SLC25A20: variants seen among roughly 807,000 people sequenced by gnomAD.
The protein encoded by SLC25A20 is mitochondrial carnitine/acylcarnitine carrier protein.
SLC25A20 carries 29 observed loss-of-function variants against 39.7 expected under a neutral mutation model. The observed-to-expected ratio is 0.73, with a 90% CI of 0.54 to 1.00. The LOEUF is 1.00. Ranked by LOEUF, SLC25A20 falls within the 50% of genes least tolerant of loss-of-function variation. The pLI is 0.00. For missense variants in SLC25A20, 333 were observed against 379.9 expected (o/e 0.88, Z 1.03); for synonymous variants, 103 against 142.2 (o/e 0.72, Z 1.96).
chr3:48,870,137 C>T (rs1260890489), intron 4 of SLC25A20, among the ~76,000 whole-genome samples: 1 of 152,118 alleles, frequency 6.6e-6, no homozygotes, highest in East Asian at 1.9e-4. Flanking sequence ...TGGTGGCTCT[C>T]GCCTATAATC....
At chr3:48,894,516 A>C (rs948223201) in intron 1 of SLC25A20, among the ~76,000 whole-genome samples, 1 of 147,880 alleles carries the variant, frequency 6.8e-6, no homozygotes, top group Non-Finnish European at 1.5e-5. Context: ...CAGGTGATCC[A>C]CCCGCCTCGG....
chr3:48,860,599 A>G (rs2106637894), intron 5 of SLC25A20, among the ~76,000 whole-genome samples: 1 of 151,218 alleles, frequency 6.6e-6, no homozygotes, highest in Admixed American at 6.6e-5. Flanking sequence ...GCAAGACTCC[A>G]TCTCAAAAAA....
At chr3:48,897,014 G>A (rs1397671547) in intron 1 of SLC25A20, among the ~76,000 whole-genome samples, 4 of 150,324 alleles carry the variant, frequency 2.7e-5, no homozygotes, top group Admixed American at 6.7e-5. Context: ...CTTTTGCCTT[G>A]TCAGGACACA....
chr3:48,893,246 CT>C (rs899184488), intron 1 of SLC25A20, among the ~76,000 whole-genome samples: 50 of 149,416 alleles, frequency 3.3e-4, no homozygotes, highest in African/African-American at 1.1e-3. Flanking sequence ...CTATATCTAA[CT>C]TTTTTTTTTA....
chr3:48,895,911 C>T (rs1013892618), intron 1 of SLC25A20: 26 of 388,882 alleles, frequency 6.7e-5, no homozygotes, highest in Non-Finnish European at 1.0e-4. Flanking sequence ...AGGCCAAGGC[C>T]GGAGGATCAC....
intron 4 of SLC25A20, among the ~76,000 whole-genome samples, chr3:48,866,645 T>C (rs1395885317): frequency 6.6e-6 from 1 of 152,164 alleles, no homozygotes; most frequent in Non-Finnish European, 1.5e-5. Flanking sequence ...AGCATAGAAA[T>C]TGGTGTGGAA....
Position 48,884,084 on chromosome 3 carries a change from A to G in SLC25A20, c.239T>C (p.Ile80Thr), listed in dbSNP as rs1425564816. ...CACGGCAAACATGGGAGTGACCCCG[A>G]TGATAGGGGCAGCCATTCCCCGATA... ...GLYRGMAAPI[I>T]GVTPMFAVCF... The change falls in exon 3 of 9, where the codon ATC (isoleucine) becomes ACC (threonine). Residue 80 changes from isoleucine to threonine, a missense_variant. By Grantham distance (89) the Ile-to-Thr change is moderately conservative. Transcript: ENST00000319017. The G allele has an allele frequency of 1.9e-6, 3 of 1,613,788 alleles. No individual in the cohort carries two copies. Among genetic ancestry groups the G allele is most frequent in the Admixed American group, 1.7e-5 (1 of 59,982 alleles).
At chr3:48,868,018 G>A (rs1234309786) in intron 4 of SLC25A20, among the ~76,000 whole-genome samples, 4 of 151,336 alleles carry the variant, frequency 2.6e-5, no homozygotes, top group African/African-American at 4.9e-5. Flanking sequence ...CCGAGATGGC[G>A]CCACTGCACT....
At chr3:48,861,582 C>T (rs1005793887) in intron 5 of SLC25A20, among the ~76,000 whole-genome samples, 2 of 150,742 alleles carry the variant, frequency 1.3e-5, no homozygotes, top group Non-Finnish European at 3.0e-5. Context: ...CAAAAATTAG[C>T]CAGGCATGGT....
intron 8 of SLC25A20, among the ~76,000 whole-genome samples, chr3:48,858,169 TG>T (rs2083594895): frequency 6.6e-6 from 1 of 151,986 alleles, no homozygotes; most frequent in South Asian, 2.1e-4. Context: ...TGTTTCCCCA[TG>T]TTGGCCAAGC....
intron 4 of SLC25A20, among the ~76,000 whole-genome samples, chr3:48,869,767 A>G (rs998905334): frequency 1.3e-5 from 2 of 152,090 alleles, no homozygotes; most frequent in African/African-American, 4.8e-5. Context: ...AGCCGTTATC[A>G]GACCACTACA....
intron 4 of SLC25A20, among the ~76,000 whole-genome samples, chr3:48,873,320 C>G (rs769337558): frequency 6.6e-6 from 1 of 151,956 alleles, no homozygotes; most frequent in Non-Finnish European, 1.5e-5. Context: ...AGTTCAAGAC[C>G]GGACTGGCGG....
intron 5 of SLC25A20, among the ~76,000 whole-genome samples, chr3:48,860,896 C>A (rs1180909390): frequency 6.8e-6 from 1 of 146,962 alleles, no homozygotes; most frequent in East Asian, 2.0e-4. Context: ...TGCAATGGTG[C>A]AATCTCGGCT....
intron 4 of SLC25A20, among the ~76,000 whole-genome samples, chr3:48,877,743 AAGAAAGAAAAGAAAAG>A (rs2083769381): frequency 6.6e-6 from 1 of 151,942 alleles, no homozygotes; most frequent in South Asian, 2.1e-4. Flanking sequence ...AAAAGAAATA[AAGAAAGAAAAGAAAAG>A]AGAAAGAAAA....
intron 4 of SLC25A20, among the ~76,000 whole-genome samples, chr3:48,873,314 C>G (rs1575984626): frequency 6.6e-6 from 1 of 151,666 alleles, no homozygotes; most frequent in East Asian, 2.0e-4. Context: ...GAGGCCAGTT[C>G]AAGACCGGAC....
At chr3:48,877,687 C>T (rs2083768947) in intron 4 of SLC25A20, among the ~76,000 whole-genome samples, 1 of 151,698 alleles carries the variant, frequency 6.6e-6, no homozygotes, top group African/African-American at 2.4e-5. Context: ...TGAGATCATG[C>T]CACTGCATTC....
chr3:48,898,697 G>A lies in SLC25A20; in HGVS notation c.98C>T (p.Thr33Met), dbSNP rs756910774. 1.2e-6 allele frequency: 2 copies of A among 1,603,712 alleles called. No individual in the cohort carries two copies. The highest frequency in any genetic ancestry group is 1.1e-5 in the South Asian group (1 of 89,524). ...CLVFVGHPLDTVKVRLQTQPP... is the reference protein window; with the variant it reads ...CLVFVGHPLDMVKVRLQTQPP... ...CGACCCAGCCTCCCGCACCTTGACCGTGTCCAGAGGGTGACCGACGAACAC... is the reference window on the plus strand; with the variant it reads ...CGACCCAGCCTCCCGCACCTTGACCATGTCCAGAGGGTGACCGACGAACAC... Residue 33 changes from threonine (T) to methionine (M), a missense_variant, in exon 1 of 9, where the codon ACG (threonine) becomes ATG (methionine). Thr to Met is a moderately conservative substitution (Grantham distance 81, BLOSUM62 -1). Transcript: ENST00000319017.
intron 5 of SLC25A20, 113 bp from the exon 6 acceptor site, chr3:48,859,740 G>C (rs1367079888): frequency 1.2e-6 from 1 of 856,412 alleles, no homozygotes; most frequent in Admixed American, 1.8e-5. Flanking sequence ...GATTGCTTGA[G>C]GCCAGGAGGT....
At chr3:48,890,125 G>A (rs1389726656) in intron 2 of SLC25A20, among the ~76,000 whole-genome samples, 1 of 152,158 alleles carries the variant, frequency 6.6e-6, no homozygotes, top group Non-Finnish European at 1.5e-5. Context: ...TTTTCCAGAG[G>A]CCTAAACCCC....
Sources: gnomAD v4.1 joint callset for allele counts (sites outside exome capture counted in the v4.1 genomes callset) on GRCh38, gnomAD v4.1.1 for gene constraint, MANE v1.5 for transcripts, NCBI Gene and HGNC (gene_info 2026-07-23, HGNC 2026-07-21) for gene names.